Variants in CNKSR3 observed in about 807,000 individuals in gnomAD.
CNKSR3 encodes the protein connector enhancer of kinase suppressor of ras 3.
CNKSR3 carries 36 observed loss-of-function variants against 67.7 expected under a neutral mutation model. That is an observed-to-expected ratio of 0.53 (90% CI 0.41 to 0.70). The LOEUF (loss-of-function observed/expected upper bound fraction) is 0.70. CNKSR3 is among the 30% of genes least tolerant of loss of function. The pLI, the probability that CNKSR3 is intolerant of heterozygous loss-of-function variation, is 0.00. For missense variants in CNKSR3, 630 were observed against 695.2 expected, an observed-to-expected ratio of 0.91 and a Z score of 1.05; for synonymous variants, 281 against 271.4, an observed-to-expected ratio of 1.04 and a Z score of -0.35.
intron 1 of CNKSR3, among the ~76,000 whole-genome samples, chr6:154,473,155 C>T (rs932621880): frequency 1.3e-5 from 2 of 152,184 alleles, no homozygotes; most frequent in African/African-American, 2.4e-5. Flanking sequence ...AGTCACACAG[C>T]TAATCTATGG....
chr6:154,460,502 C>G (rs192728069), intron 1 of CNKSR3, among the ~76,000 whole-genome samples: 4 of 152,164 alleles, frequency 2.6e-5, no homozygotes, highest in Non-Finnish European at 4.4e-5. Context: ...ACAAAACCTA[C>G]GCAATACTCT....
At chr6:154,499,012 G>C (rs1428550298) in intron 1 of CNKSR3, among the ~76,000 whole-genome samples, 1 of 152,124 alleles carries the variant, frequency 6.6e-6, no homozygotes, top group Non-Finnish European at 1.5e-5. Context: ...AGGTCCTTTC[G>C]GACCCATGAA....
chr6:154,459,259 G>C (rs111821803), intron 1 of CNKSR3, among the ~76,000 whole-genome samples: 3 of 151,924 alleles, frequency 2.0e-5, no homozygotes, highest in African/African-American at 7.3e-5. Flanking sequence ...CTGTGAGCTG[G>C]AACTGCTGCT....
At chr6:154,432,216 G>A (rs932938511) in intron 5 of CNKSR3, among the ~76,000 whole-genome samples, 4 of 152,194 alleles carry the variant, frequency 2.6e-5, no homozygotes, top group East Asian at 1.9e-4. Context: ...GGTATATGGC[G>A]GTATCTCATT....
chr6:154,397,541 C>CT lies in CNKSR3; in HGVS notation c.*8812dup, dbSNP rs1784673289. On this transcript the variant is annotated 3_prime_UTR_variant, in exon 13 of 13. Transcript: ENST00000607772. ...AACCAATCCACCATGCTTGTTTTTT[C>CT]TTTTTTCCTAGGAATTAACAGTGGC... The CT allele has an allele frequency of 6.6e-6, 1 of 152,174 alleles. No homozygotes were observed. Among genetic ancestry groups the CT allele is most frequent in the African/African-American group, 2.4e-5 (1 of 41,448 alleles). 9.4% of individuals were successfully genotyped at this position (152,174 alleles called of 1,614,324 possible).
chr6:154,434,480 G>A lies in CNKSR3; in HGVS notation c.508-973C>T, dbSNP rs6910538. 8.1e-3 allele frequency among the ~76,000 whole-genome samples: 1,227 copies of A among 152,254 alleles called. 14 individuals are homozygous for A. The highest frequency in any genetic ancestry group is 0.028 in the African/African-American group (1,159 of 41,540). On this transcript the variant is annotated intron_variant, in intron 4 of 12. Coordinates refer to ENST00000607772, the MANE Select transcript of CNKSR3 (RefSeq NM_173515.4). ...GAATTGTCAGGTGAAGATTTTTCAC[G>A]TCAATCAAAAAGTCATTTTTAGGTC...
chr6:154,464,842 A>G (rs1201814146), intron 1 of CNKSR3, among the ~76,000 whole-genome samples: 1 of 152,018 alleles, frequency 6.6e-6, no homozygotes, highest in South Asian at 2.1e-4. Context: ...GCAGGGGAAA[A>G]CTTCAAAGTG....
Position 154,400,224 on chromosome 6 carries a change from C to T in CNKSR3, c.*6130G>A, listed in dbSNP as rs755841453. On this transcript the variant is annotated 3_prime_UTR_variant, in exon 13 of 13. Transcript: ENST00000607772. ...TGCTCAGGCTGTAAACTGTCTTCCT[C>T]AGAGAGCAGTGACTCCAATGGTCAG... 7 of 152,178 alleles carry T rather than the reference C, an allele frequency of 4.6e-5. No homozygotes were observed. The highest frequency in any genetic ancestry group is 8.8e-5 in the Non-Finnish European group (6 of 68,044). 9.4% of individuals were successfully genotyped at this position (152,178 alleles called of 1,614,324 possible). A position where few individuals can be genotyped will look rare whatever the true frequency, so the allele number is the denominator to read the frequency against.
chr6:154,413,604 C>A (rs1199976289), intron 10 of CNKSR3, among the ~76,000 whole-genome samples: 1 of 152,044 alleles, frequency 6.6e-6, no homozygotes, highest in East Asian at 1.9e-4. Context: ...TCATTAATCT[C>A]ACAGAAATAC....
intron 1 of CNKSR3, among the ~76,000 whole-genome samples, chr6:154,451,596 G>C (rs1284859623): frequency 6.6e-6 from 1 of 152,168 alleles, no homozygotes; most frequent in Non-Finnish European, 1.5e-5. Flanking sequence ...GTGTCAGTGG[G>C]TATTTCTCTG....
chr6:154,510,208 G>T lies in CNKSR3; in HGVS notation c.-94C>A. The T allele has an allele frequency of 8.1e-6, 12 of 1,473,974 alleles. No individual in the cohort carries two copies. The highest frequency in any genetic ancestry group is 1.1e-5 in the Non-Finnish European group (12 of 1,060,156). The allele number at this position is 1,473,974 out of a possible 1,614,324, so 91.3% of individuals were successfully genotyped here. On this transcript the variant is annotated 5_prime_UTR_variant, in exon 1 of 13. Coordinates refer to ENST00000607772, the MANE Select transcript of CNKSR3 (RefSeq NM_173515.4). ...CCCCTTCCCGGGAGGGCGCGCCCGC[G>T]GCTGCTCCCCTGCGCCCGAGCGACT...
chr6:154,438,387 AAC>A (rs148789766), intron 4 of CNKSR3, among the ~76,000 whole-genome samples: 1 of 151,636 alleles, frequency 6.6e-6, no homozygotes, highest in Admixed American at 6.6e-5. Flanking sequence ...TACACACACA[AAC>A]ACACACACAC....
At chr6:154,433,689 T>C (rs935540091) in intron 4 of CNKSR3, 182 bp from the exon 5 acceptor site, 58 of 568,352 alleles carry the variant, frequency 1.0e-4, no homozygotes, top group Admixed American at 2.0e-4. Flanking sequence ...GAGCTGACGT[T>C]TGCACCTTCC....
intron 2 of CNKSR3, among the ~76,000 whole-genome samples, chr6:154,443,296 C>T (rs957596328): frequency 2.6e-5 from 4 of 152,184 alleles, no homozygotes; most frequent in Admixed American, 1.3e-4. Flanking sequence ...TCAACCTCAG[C>T]CCTACTGACA....
At chr6:154,428,528 T>C (rs1043600374) in intron 6 of CNKSR3, among the ~76,000 whole-genome samples, 9 of 152,200 alleles carry the variant, frequency 5.9e-5, no homozygotes, top group Non-Finnish European at 1.2e-4. Context: ...TTCTATTATG[T>C]TAATAATGAG....
intron 4 of CNKSR3, among the ~76,000 whole-genome samples, chr6:154,435,980 T>C (rs1785464046): frequency 6.6e-6 from 1 of 152,132 alleles, no homozygotes; most frequent in Non-Finnish European, 1.5e-5. Context: ...ATGGCACGCG[T>C]CAAGCGTGGA....
chr6:154,495,397 G>A (rs1390433084), intron 1 of CNKSR3, among the ~76,000 whole-genome samples: 1 of 147,486 alleles, frequency 6.8e-6, no homozygotes, highest in Non-Finnish European at 1.5e-5. Flanking sequence ...TAGCTTTTGG[G>A]CTTTTCTGTC....
chr6:154,395,279 C>CT lies in CNKSR3; in HGVS notation c.*11074dup, dbSNP rs1201231109. ...GTTTCCAGTTAATTCTACAAGAGTG[C>CT]TTTTGAAAAAAGTACTCCAAAGAAT... On this transcript the variant is annotated 3_prime_UTR_variant, in exon 13 of 13. Transcript: ENST00000607772. The CT allele has an allele frequency of 2.6e-5, 4 of 151,732 alleles. No homozygotes were observed. Among genetic ancestry groups the CT allele is most frequent in the African/African-American group, 9.7e-5 (4 of 41,342 alleles). The allele number at this position is 151,732 out of a possible 1,614,324, so 9.4% of individuals were successfully genotyped here. A position where few individuals can be genotyped will look rare whatever the true frequency, so the allele number is the denominator to read the frequency against.
At chr6:154,436,449 T>C (rs543769787) in intron 4 of CNKSR3, among the ~76,000 whole-genome samples, 42 of 152,272 alleles carry the variant, frequency 2.8e-4, no homozygotes, top group Non-Finnish European at 5.9e-4. Context: ...GCCTGAGCCA[T>C]TGAGCCTGGC....
Sources: allele counts gnomAD v4.1 joint callset (sites outside exome capture counted in the v4.1 genomes callset), GRCh38; gene constraint gnomAD v4.1.1; transcripts MANE v1.5; gene names NCBI Gene and HGNC (gene_info 2026-07-23, HGNC 2026-07-21).